The following PCDH15 variants were observed in gnomAD, a reference collection of about 807,000 sequenced individuals.
PCDH15 encodes protocadherin related 15, also known as protocadherin-15.
A neutral mutation model predicts 178.5 loss-of-function variants in PCDH15; 129 were observed. The observed-to-expected ratio is 0.72, with a 90% CI of 0.63 to 0.84. The LOEUF (loss-of-function observed/expected upper bound fraction) is 0.84. PCDH15 is among the 40% of genes least tolerant of loss of function. PCDH15 has a pLI of 0.00. For missense variants in PCDH15, 2,230 were observed against 2,099.9 expected, an observed-to-expected ratio of 1.06 and a Z score of -1.21; for synonymous variants, 800 against 732.0, an observed-to-expected ratio of 1.09 and a Z score of -1.50.
intron 3 of PCDH15, among the ~76,000 whole-genome samples, chr10:54,893,167 A>C (rs1027042385): frequency 2.0e-5 from 3 of 152,072 alleles, no homozygotes; most frequent in Non-Finnish European, 4.4e-5. Context: ...AATATGTTAC[A>C]TGTGTTCATA....
chr10:53,999,333 C>A (rs1244144878), intron 20 of PCDH15, among the ~76,000 whole-genome samples: 2 of 152,260 alleles, frequency 1.3e-5, no homozygotes, highest in Admixed American at 6.5e-5. Flanking sequence ...TAGACACTTT[C>A]TATTTGCTGT....
chr10:54,569,738 C>T (rs891374659), intron 2 of PCDH15, among the ~76,000 whole-genome samples: 1 of 152,036 alleles, frequency 6.6e-6, no homozygotes, highest in Non-Finnish European at 1.5e-5. Context: ...ATGCTGGCAA[C>T]AGTGAAATAA....
At chr10:55,302,993 A>G (rs1843324269) in intron 1 of PCDH15, among the ~76,000 whole-genome samples, 1 of 152,152 alleles carries the variant, frequency 6.6e-6, no homozygotes, top group Non-Finnish European at 1.5e-5. Flanking sequence ...ATACTACAAC[A>G]CAAAGTTAAC....
In PCDH15 at chr10:54,517,644, C is replaced by G. The variant is rs555775877; in HGVS notation, c.157+10168G>C. On this transcript the variant is annotated intron_variant, in intron 3 of 37. Transcript: ENST00000644397. ...TTAACACCCCACTGTCAACATTAGACAGATCAATGAGACAGAAAGTTAACA... is the reference window on the plus strand; with the variant it reads ...TTAACACCCCACTGTCAACATTAGAGAGATCAATGAGACAGAAAGTTAACA... 4.6e-5 allele frequency among the ~76,000 whole-genome samples: 7 copies of G among 152,106 alleles called. No homozygotes were observed. The East Asian group carries it at 9.6e-4, about 21-fold the overall frequency.
chr10:55,489,788 A>G (rs1215810501), intron 2 of PCDH15, among the ~76,000 whole-genome samples: 2 of 151,848 alleles, frequency 1.3e-5, no homozygotes, highest in South Asian at 2.1e-4. Context: ...TCTGGTATCA[A>G]TTTCAATATA....
chr10:55,159,854 G>A (rs746281256), intron 2 of PCDH15, among the ~76,000 whole-genome samples: 9 of 149,178 alleles, frequency 6.0e-5, no homozygotes, highest in Non-Finnish European at 7.4e-5. Context: ...TGCAAACGAC[G>A]GTTTTTTTTT....
intron 8 of PCDH15, among the ~76,000 whole-genome samples, chr10:54,253,309 G>T (rs552110586): frequency 1.3e-5 from 2 of 151,964 alleles, no homozygotes; most frequent in African/African-American, 4.8e-5. Context: ...GTTTTTTTGG[G>T]TATATTCTAT....
intron 2 of PCDH15, among the ~76,000 whole-genome samples, chr10:54,555,077 T>G (rs1304656322): frequency 2.6e-5 from 4 of 152,120 alleles, no homozygotes; most frequent in Admixed American, 6.5e-5. Flanking sequence ...AGGAAGGATG[T>G]GATAAGGGAA....
At chr10:54,394,966 C>G (rs1785501271) in intron 3 of PCDH15, among the ~76,000 whole-genome samples, 1 of 152,188 alleles carries the variant, frequency 6.6e-6, no homozygotes, top group Non-Finnish European at 1.5e-5. Context: ...AAGGTTATCT[C>G]TCTTATTCCC....
intron 2 of PCDH15, among the ~76,000 whole-genome samples, chr10:55,161,374 T>C (rs1839061715): frequency 6.6e-6 from 1 of 152,094 alleles, no homozygotes; most frequent in Admixed American, 6.6e-5. Context: ...CTCTGCATAA[T>C]ATTGGCGGGG....
At position 54,449,019 on chromosome 10, in the gene PCDH15, C is replaced by A. The variant is rs1367904836; in HGVS notation, c.158-70077G>T. Among the ~76,000 whole-genome samples the A allele has an allele frequency of 2.6e-5, 4 of 151,538 alleles. No individual in the cohort carries two copies. In the East Asian group the frequency reaches 7.8e-4, roughly 29 times the overall value. ...TGAAGGCCTCCTCCTCCACTTTTTT[C>A]TTTTTCCCCATATCTAGGCAAGCAG... On this transcript the variant is annotated intron_variant, in intron 3 of 37. Coordinates refer to ENST00000644397, the MANE Select transcript of PCDH15 (RefSeq NM_001384140.1).
chr10:53,823,174 C>A lies in PCDH15; in HGVS notation c.4368-2944G>T. 1.2e-6 allele frequency: 2 copies of A among 1,614,008 alleles called. No individual in the cohort carries two copies. Among genetic ancestry groups the A allele is most frequent in the Admixed American group, 1.7e-5 (1 of 60,010 alleles). ...TTATGGGCACTTAAGTCATCCTCATCAGATAGAAATGTGAATTTTCTTGCA... is the reference window on the plus strand; with the variant it reads ...TTATGGGCACTTAAGTCATCCTCATAAGATAGAAATGTGAATTTTCTTGCA... On this transcript the variant is annotated intron_variant, in intron 32 of 37. Coordinates refer to ENST00000644397, the MANE Select transcript of PCDH15 (RefSeq NM_001384140.1).
intron 2 of PCDH15, among the ~76,000 whole-genome samples, chr10:54,970,214 G>A (rs1838897328): frequency 6.6e-6 from 1 of 152,108 alleles, no homozygotes; most frequent in Non-Finnish European, 1.5e-5. Context: ...TCAGCCTCCA[G>A]AATTGTGAAA....
At chr10:55,519,353 C>T (rs1841101145) in intron 2 of PCDH15, among the ~76,000 whole-genome samples, 1 of 147,786 alleles carries the variant, frequency 6.8e-6, no homozygotes, top group Non-Finnish European at 1.5e-5. Flanking sequence ...CTTGAAAAGA[C>T]AAGATTACAG....
chr10:54,812,146 A>G (rs1358612617), intron 3 of PCDH15, among the ~76,000 whole-genome samples: 1 of 152,190 alleles, frequency 6.6e-6, no homozygotes, highest in Non-Finnish European at 1.5e-5. Context: ...AATCCCAAGT[A>G]TCAAGAAGAA....
chr10:54,592,838 A>T (rs2091969712), intron 2 of PCDH15, among the ~76,000 whole-genome samples: 1 of 152,060 alleles, frequency 6.6e-6, no homozygotes, highest in South Asian at 2.1e-4. Flanking sequence ...CACTTCCTTC[A>T]CAAAATTTAT....
intron 19 of PCDH15, 56 bp from the exon 20 acceptor site, chr10:54,020,472 A>G (rs1261309359): frequency 2.6e-6 from 4 of 1,533,118 alleles, no homozygotes; most frequent in African/African-American, 2.7e-5. Flanking sequence ...AAAGAAATGC[A>G]GGAAGGATGG....
intron 6 of PCDH15, among the ~76,000 whole-genome samples, chr10:54,330,494 A>G (rs1939271190): frequency 6.6e-6 from 1 of 151,972 alleles, no homozygotes; most frequent in Non-Finnish European, 1.5e-5. Context: ...TATGTGATAT[A>G]TCATTGACCA....
intron 2 of PCDH15, among the ~76,000 whole-genome samples, chr10:55,528,286 T>C (rs1439178017): frequency 6.6e-6 from 1 of 152,044 alleles, no homozygotes; most frequent in African/African-American, 2.4e-5. Context: ...TGCAGGTTTG[T>C]TACATATGTA....
Sources: gnomAD v4.1 joint callset for allele counts (sites outside exome capture counted in the v4.1 genomes callset) on GRCh38, gnomAD v4.1.1 for gene constraint, MANE v1.5 for transcripts, NCBI Gene and HGNC (gene_info 2026-07-23, HGNC 2026-07-21) for gene names.